The following CSRNP3 variants were observed in gnomAD, a reference collection of about 807,000 sequenced individuals.
CSRNP3 encodes cysteine and serine rich nuclear protein 3, also known as cysteine/serine-rich nuclear protein 3.
In CSRNP3, 12 loss-of-function variants were observed where a neutral mutation model predicts 48.0. The ratio of observed to expected loss-of-function variants is 0.25; its 90% CI spans 0.16 to 0.41. The LOEUF is 0.41. Ranked by LOEUF, CSRNP3 falls within the 10% of genes least tolerant of loss-of-function variation. The pLI, the probability that CSRNP3 is intolerant of heterozygous loss-of-function variation, is 1.00. For missense variants in CSRNP3, 580 were observed against 724.4 expected, an observed-to-expected ratio of 0.80 and a Z score of 2.29; for synonymous variants, 263 against 269.7, an observed-to-expected ratio of 0.98 and a Z score of 0.24.
At chr2:165,650,537 T>C (rs889072739) in intron 4 of CSRNP3, among the ~76,000 whole-genome samples, 6 of 152,238 alleles carry the variant, frequency 3.9e-5, no homozygotes, top group South Asian at 2.1e-4. Flanking sequence ...CAATCTGTTA[T>C]GCTAATTTCT....
At chr2:165,471,346 A>G (rs1480573975) in intron 1 of CSRNP3, among the ~76,000 whole-genome samples, 2 of 152,026 alleles carry the variant, frequency 1.3e-5, no homozygotes, top group African/African-American at 4.8e-5. Flanking sequence ...AATGGTTGAA[A>G]TTAATCCACC....
chr2:165,651,835 T>C (rs932182907), intron 4 of CSRNP3, among the ~76,000 whole-genome samples: 2 of 151,988 alleles, frequency 1.3e-5, no homozygotes, highest in African/African-American at 4.8e-5. Context: ...TTTGTATTTT[T>C]AGTAGAGACA....
intron 5 of CSRNP3, 80 bp from the exon 6 acceptor site, chr2:165,676,232 T>C (rs1409843367): frequency 2.0e-6 from 2 of 1,019,538 alleles, no homozygotes; most frequent in Non-Finnish European, 3.0e-6. Context: ...TATATAATAG[T>C]TCATTCTCAC....
intron 4 of CSRNP3, among the ~76,000 whole-genome samples, chr2:165,599,307 A>G (rs1332183378): frequency 1.3e-5 from 2 of 150,728 alleles, no homozygotes; most frequent in African/African-American, 2.4e-5. Flanking sequence ...GAAAGAAAGA[A>G]AGAAAGAAAG....
rs1687555961 is a variant in CSRNP3, at chr2:165,681,981, C to G, written c.*2228C>G. The G allele has an allele frequency of 6.6e-6, 1 of 151,414 alleles. No homozygotes were observed. The highest frequency in any genetic ancestry group is 2.4e-5 in the African/African-American group (1 of 41,180). 9.4% of individuals were successfully genotyped at this position (151,414 alleles called of 1,614,324 possible). A position where few individuals can be genotyped will look rare whatever the true frequency, so the allele number is the denominator to read the frequency against. ...CCTTCATTCAAGCACATGAAAGGAT[C>G]ATGTGTACTGTATTTGCTGGACCAT... On this transcript the variant is annotated 3_prime_UTR_variant, in exon 7 of 7. Coordinates refer to ENST00000651982, the MANE Select transcript of CSRNP3 (RefSeq NM_001172173.2).
rs1215111438 is a variant in CSRNP3 at position 165,687,353 on chromosome 2, C to T, written c.*7600C>T. ...TTTGTTTTTGTGATTGCTCTTATGT[C>T]GGTAGGTAATGTCAGGAAAAGTGAC... On this transcript the variant is annotated 3_prime_UTR_variant, in exon 7 of 7. Transcript: ENST00000651982. 4.0e-5 allele frequency: 6 copies of T among 151,884 alleles called. No individual in the cohort carries two copies. The highest frequency in any genetic ancestry group is 5.9e-5 in the Non-Finnish European group (4 of 67,946). 9.4% of individuals were successfully genotyped at this position (151,884 alleles called of 1,614,324 possible).
chr2:165,529,767 C>T (rs1406323147), intron 3 of CSRNP3, among the ~76,000 whole-genome samples: 2 of 152,078 alleles, frequency 1.3e-5, no homozygotes, highest in Non-Finnish European at 2.9e-5. Context: ...GAACATATAG[C>T]ATAGTGTTGG....
At chr2:165,501,935 C>G (rs1388274691) in intron 2 of CSRNP3, among the ~76,000 whole-genome samples, 2 of 151,976 alleles carry the variant, frequency 1.3e-5, no homozygotes, top group Non-Finnish European at 2.9e-5. Context: ...GTTTCATTAA[C>G]CTTTAAATTT....
intron 1 of CSRNP3, among the ~76,000 whole-genome samples, chr2:165,472,136 A>T: frequency 6.6e-6 from 1 of 152,030 alleles, no homozygotes; most frequent in Non-Finnish European, 1.5e-5. Flanking sequence ...ATTAAGAAGT[A>T]TTTTTTAATG....
chr2:165,576,819 T>C (rs1685458547), intron 3 of CSRNP3, among the ~76,000 whole-genome samples: 1 of 151,946 alleles, frequency 6.6e-6, no homozygotes, highest in Admixed American at 6.6e-5. Flanking sequence ...ATAAATAGAG[T>C]GATCTAAAAA....
In CSRNP3 at chr2:165,545,429, C is replaced by G. The variant is rs6746619; in HGVS notation, c.-24+27468C>G. Among the ~76,000 whole-genome samples, 783 of 152,038 alleles carry G rather than the reference C, an allele frequency of 5.2e-3. 8 individuals are homozygous for G. The highest frequency in any genetic ancestry group is 0.018 in the African/African-American group (732 of 41,464). On this transcript the variant is annotated intron_variant, in intron 3 of 6. Coordinates refer to ENST00000651982, the MANE Select transcript of CSRNP3 (RefSeq NM_001172173.2). ...AAAAGAATTGCTGGCCCAGTGTCCCCGAGCAGGCAAGTTAGGATTGGATTT... is the reference window on the plus strand; with the variant it reads ...AAAAGAATTGCTGGCCCAGTGTCCCGGAGCAGGCAAGTTAGGATTGGATTT...
chr2:165,650,959 C>T (rs1445098388), intron 4 of CSRNP3, among the ~76,000 whole-genome samples: 2 of 152,194 alleles, frequency 1.3e-5, no homozygotes, highest in African/African-American at 4.8e-5. Flanking sequence ...CCTCCATGTG[C>T]CAAAATACAT....
At chr2:165,644,204 A>G (rs1452790469) in intron 4 of CSRNP3, among the ~76,000 whole-genome samples, 2 of 152,190 alleles carry the variant, frequency 1.3e-5, no homozygotes, top group Admixed American at 1.3e-4. Context: ...TATGTAAAAT[A>G]TAGCATATTT....
chr2:165,649,023 G>T (rs1686861001), intron 4 of CSRNP3, among the ~76,000 whole-genome samples: 1 of 152,134 alleles, frequency 6.6e-6, no homozygotes, highest in Non-Finnish European at 1.5e-5. Flanking sequence ...CATATCTCTT[G>T]CTTGCTTGTG....
At chr2:165,504,936 C>G (rs942744734) in intron 2 of CSRNP3, among the ~76,000 whole-genome samples, 2 of 152,088 alleles carry the variant, frequency 1.3e-5, no homozygotes, top group African/African-American at 2.4e-5. Context: ...AACTTATACT[C>G]TACTTGAGAA....
Position 165,682,547 on chromosome 2 carries a change from T to G in CSRNP3, c.*2794T>G, listed in dbSNP as rs1687564319. The G allele has an allele frequency of 6.6e-6, 1 of 152,236 alleles. No homozygotes were observed. Among genetic ancestry groups the G allele is most frequent in the East Asian group, 1.9e-4 (1 of 5,184 alleles). The allele number at this position is 152,236 out of a possible 1,614,324, so 9.4% of individuals were successfully genotyped here. Reference sequence around the variant, plus strand: ...GAGTTTTTCTAACCCCAGAATCTGGTTGGGCTTTATGATCTAAAAAAATGT... The same window carrying G: ...GAGTTTTTCTAACCCCAGAATCTGGGTGGGCTTTATGATCTAAAAAAATGT... On this transcript the variant is annotated 3_prime_UTR_variant, in exon 7 of 7. Transcript: ENST00000651982.
chr2:165,531,867 T>C (rs1464767603), intron 3 of CSRNP3, among the ~76,000 whole-genome samples: 2 of 151,908 alleles, frequency 1.3e-5, no homozygotes, highest in African/African-American at 4.8e-5. Flanking sequence ...TAAAAAATGA[T>C]AAAGGGGATA....
intron 3 of CSRNP3, among the ~76,000 whole-genome samples, chr2:165,588,313 A>G (rs1024078746): frequency 1.3e-5 from 2 of 152,250 alleles, no homozygotes; most frequent in African/African-American, 4.8e-5. Flanking sequence ...TTTATAAGCC[A>G]TCTTGAGGAT....
Position 165,666,991 on chromosome 2 carries a change from GAA to G in CSRNP3, c.408+8973_408+8974del, listed in dbSNP as rs369226074. Among the ~76,000 whole-genome samples the G allele has an allele frequency of 2.0e-4, 6 of 29,366 alleles. 1 individual carries two copies. The highest frequency in any genetic ancestry group is 2.2e-4 in the Non-Finnish European group (2 of 9,194). 19.3% of individuals were successfully genotyped at this position (29,366 alleles called of 152,430 possible). The stretch of plus-strand genomic sequence containing the variant: ...GGAAGGAAAGAGAGAGAGGAAGAAA[GAA>G]AGAGAGAGAGAGGAAGGAAGGAAGG... On this transcript the variant is annotated intron_variant, in intron 5 of 6. Transcript: ENST00000651982.
Sources: gnomAD v4.1 joint callset for allele counts (sites outside exome capture counted in the v4.1 genomes callset) on GRCh38, gnomAD v4.1.1 for gene constraint, MANE v1.5 for transcripts, NCBI Gene and HGNC (gene_info 2026-07-23, HGNC 2026-07-21) for gene names.